The following SP140 variants were observed in gnomAD, a reference collection of about 807,000 sequenced individuals.
SP140 encodes nuclear body protein SP140.
In SP140, 81 loss-of-function variants were observed where a neutral mutation model predicts 125.0. The observed-to-expected ratio is 0.65, with a 90% CI of 0.54 to 0.78. The LOEUF (loss-of-function observed/expected upper bound fraction) is 0.78, where lower values mean the gene tolerates loss of function less well. Among genes scored for constraint, SP140 ranks in the 30% least tolerant of loss-of-function variants. The pLI, the probability that SP140 is intolerant of heterozygous loss-of-function variation, is 0.00. For missense variants in SP140, 858 were observed against 1,037.0 expected, an observed-to-expected ratio of 0.83 and a Z score of 2.37; for synonymous variants, 312 against 354.0, an observed-to-expected ratio of 0.88 and a Z score of 1.33.
chr2:230,245,786 A>G, intron 6 of SP140, 77 bp from the exon 7 acceptor site: 1 of 927,396 alleles, frequency 1.1e-6, no homozygotes, highest in Non-Finnish European at 1.8e-6. Context: ...ACACCCGAAT[A>G]TTAGAGCTCA....
chr2:230,250,288 G>A (rs2050165838), intron 9 of SP140, among the ~76,000 whole-genome samples: 1 of 152,168 alleles, frequency 6.6e-6, no homozygotes, highest in Non-Finnish European at 1.5e-5. Context: ...TGCTGCACAG[G>A]ATTAGATGAA....
chr2:230,209,998 A>C (rs1039415543), intron 1 of SP140: 1 of 1,593,554 alleles, frequency 6.3e-7, no homozygotes, highest in South Asian at 1.1e-5. Flanking sequence ...CTGGAGAATT[A>C]TCTCTTATCT....
upstream of SP140, chr2:230,225,675 G>A: frequency 1.5e-6 from 1 of 677,888 alleles, no homozygotes; most frequent in Non-Finnish European, 2.7e-6. Context: ...ATGGAGATTG[G>A]GTGGAGGGAG....
chr2:230,290,764 C>T (rs2057023407), intron 19 of SP140, among the ~76,000 whole-genome samples, 200 bp downstream of exon 19: 2 of 152,144 alleles, frequency 1.3e-5, no homozygotes. Flanking sequence ...CATGGAATGT[C>T]CAGAGGGTGC....
intron 5 of SP140, among the ~76,000 whole-genome samples, chr2:230,244,182 G>A (rs2049097099): frequency 6.6e-6 from 1 of 152,114 alleles, no homozygotes; most frequent in Non-Finnish European, 1.5e-5. Flanking sequence ...GATAATTTTT[G>A]CCAAATATTT....
At chr2:230,308,035 A>G (rs1164042624) in intron 22 of SP140, among the ~76,000 whole-genome samples, 2 of 147,108 alleles carry the variant, frequency 1.4e-5, no homozygotes, top group Non-Finnish European at 3.0e-5. Flanking sequence ...ACACACACAC[A>G]CACCATGGAA....
chr2:230,304,688 G>A (rs1411320451), intron 22 of SP140, among the ~76,000 whole-genome samples: 3 of 152,194 alleles, frequency 2.0e-5, no homozygotes, highest in African/African-American at 7.2e-5. Flanking sequence ...AATAGCACTG[G>A]CATAATTGGC....
chr2:230,293,722 T>C (rs902792927), intron 20 of SP140, among the ~76,000 whole-genome samples: 2 of 152,182 alleles, frequency 1.3e-5, no homozygotes, highest in African/African-American at 4.8e-5. Context: ...TGTTACCCCT[T>C]CCTGAATGTT....
rs955962918 is a variant in SP140 at position 230,217,063 on chromosome 2, T to A, written c.-91+2989T>A. On this transcript the variant is annotated intron_variant, in intron 3 of 4. Coordinates refer to the SP140 transcript ENST00000456542. The stretch of plus-strand genomic sequence containing the variant: ...GAGATTGAGACCATCCTGGCCAACA[T>A]GGTGAAACTCTGTCTCTACTAAAAA... The A allele has an allele frequency of 6.0e-6, 4 of 663,338 alleles. No homozygotes were observed. The African/African-American group carries it at 7.2e-5, about 12-fold the overall frequency. The allele number at this position is 663,338 out of a possible 1,614,324, so 41.1% of individuals were successfully genotyped here.
intron 22 of SP140, among the ~76,000 whole-genome samples, chr2:230,303,997 A>G (rs2058537057): frequency 6.6e-6 from 1 of 152,208 alleles, no homozygotes. Flanking sequence ...TCGTATACCT[A>G]GAAAACCCTA....
At chr2:230,187,220 T>C in the SP140 span, among the ~76,000 whole-genome samples, 1 of 152,178 alleles carries the variant, frequency 6.6e-6, no homozygotes, top group East Asian at 1.9e-4. Context: ...TGGTATCTCA[T>C]TGTGGTTTTA....
chr2:230,265,718 C>A (rs1189593605), intron 12 of SP140, among the ~76,000 whole-genome samples: 1 of 151,912 alleles, frequency 6.6e-6, no homozygotes, highest in Non-Finnish European at 1.5e-5. Context: ...TCAGCTTCTC[C>A]AGTGGGGGTG....
chr2:230,206,489 G>A (rs2043814844), intron 1 of SP140, among the ~76,000 whole-genome samples: 1 of 150,702 alleles, frequency 6.6e-6, no homozygotes. Flanking sequence ...GGCTAGGTCT[G>A]TGGTTCTCTT....
chr2:230,295,843 C>T (rs995552199), intron 21 of SP140, among the ~76,000 whole-genome samples: 1 of 152,192 alleles, frequency 6.6e-6, no homozygotes, highest in Non-Finnish European at 1.5e-5. Context: ...TAAGAGCCTC[C>T]AGTGATTTCT....
chr2:230,261,275 A>G (rs1418260040), intron 12 of SP140, among the ~76,000 whole-genome samples: 4 of 151,986 alleles, frequency 2.6e-5, no homozygotes, highest in Non-Finnish European at 4.4e-5. Context: ...GTATATAGAA[A>G]AGCTACTGAT....
upstream of SP140, among the ~76,000 whole-genome samples, chr2:230,223,837 C>T (rs149199527): frequency 1.4e-4 from 21 of 152,236 alleles, no homozygotes; most frequent in Non-Finnish European, 2.2e-4. Flanking sequence ...AGAAATCTTC[C>T]AGGTAGAATG....
At chr2:230,310,904 C>G (rs917434097) in intron 24 of SP140, 53 bp downstream of exon 24, 1 of 838,818 alleles carries the variant, frequency 1.2e-6, no homozygotes, top group African/African-American at 1.8e-5. Context: ...ACGTGAGAAC[C>G]ATGAACAAGC....
intron 15 of SP140, among the ~76,000 whole-genome samples, chr2:230,274,889 C>T (rs141387890): frequency 7.2e-5 from 11 of 152,110 alleles, no homozygotes; most frequent in African/African-American, 2.6e-4. Context: ...TACATTTAAA[C>T]TGTTACATTT....
intron 15 of SP140, among the ~76,000 whole-genome samples, chr2:230,282,302 C>T (rs1250001432): frequency 2.6e-5 from 4 of 152,114 alleles, no homozygotes; most frequent in African/African-American, 9.7e-5. Context: ...TGATCTCTAG[C>T]TTCCAAGGCC....
Sources: allele counts gnomAD v4.1 joint callset (sites outside exome capture counted in the v4.1 genomes callset), GRCh38; gene constraint gnomAD v4.1.1; transcripts MANE v1.5; gene names NCBI Gene and HGNC (gene_info 2026-07-23, HGNC 2026-07-21).